STXBP5: variants seen among roughly 807,000 people sequenced by gnomAD.
The protein encoded by STXBP5 is syntaxin binding protein 5.
STXBP5 carries 50 observed loss-of-function variants against 152.4 expected under a neutral mutation model. That is an observed-to-expected ratio of 0.33 (90% confidence interval 0.26 to 0.42). STXBP5 has a LOEUF of 0.42. STXBP5 is among the 10% of genes least tolerant of loss of function. The pLI, the probability that STXBP5 is intolerant of heterozygous loss-of-function variation, is 1.00. For synonymous variants in STXBP5, 492 were observed against 494.7 expected (o/e 0.99, Z 0.07); for missense variants, 1,167 against 1,388.6 (o/e 0.84, Z 2.54).
intron 23 of STXBP5, among the ~76,000 whole-genome samples, chr6:147,359,865 G>A (rs1244579053): frequency 6.6e-6 from 1 of 151,804 alleles, no homozygotes; most frequent in Non-Finnish European, 1.5e-5. Flanking sequence ...TATCATTGTT[G>A]GACATTTGGG....
rs1732198340 is a variant in STXBP5 at position 147,373,813 on chromosome 6, G to T, written c.3164G>T (p.Gly1055Val). The T allele has an allele frequency of 1.2e-6, 2 of 1,613,230 alleles. No homozygotes were observed. The highest frequency in any genetic ancestry group is 3.3e-5 in the Admixed American group (2 of 59,980). The part of the protein sequence containing the change: ...RGFFKGLFGG[G>V]AQSLDREELF... ...TTCTTTAAAGGCTTATTTGGAGGTG[G>T]TGCACAATCTCTTGACAGAGAAGAA... The change falls in exon 26 of 28, where the codon GGT becomes GTT. Residue 1055 changes from glycine to valine, a missense_variant. Gly to Val is a moderately radical substitution (Grantham distance 109, BLOSUM62 -3). Transcript: ENST00000321680.
At chr6:147,354,583 A>G (rs753739049) in intron 22 of STXBP5, among the ~76,000 whole-genome samples, 2 of 152,170 alleles carry the variant, frequency 1.3e-5, no homozygotes, top group Non-Finnish European at 2.9e-5. Context: ...GGATTTCAAT[A>G]GCATTAAATA....
At chr6:147,310,281 A>G in intron 10 of STXBP5, 43 bp downstream of exon 10, 4 of 1,229,488 alleles carry the variant, frequency 3.3e-6, no homozygotes, top group Non-Finnish European at 4.1e-6. Flanking sequence ...TAGAGAGCTG[A>G]TATTAAAAAA....
chr6:147,260,536 T>C (rs1779592126), intron 4 of STXBP5, 79 bp from the exon 5 acceptor site: 1 of 1,535,670 alleles, frequency 6.5e-7, no homozygotes, highest in Admixed American at 1.7e-5. Flanking sequence ...GAATTATATA[T>C]CATAATCAAC....
Position 147,295,678 on chromosome 6 carries a change from C to A in STXBP5, c.917+4506C>A, listed in dbSNP as rs936383477. On this transcript the variant is annotated intron_variant, in intron 9 of 27. Transcript: ENST00000321680. ...TTGTGGGGAAAACGTAAGCCATAGG[C>A]CCCCAACAGTCCCCATTACCACTGC... 3.3e-5 allele frequency among the ~76,000 whole-genome samples: 5 copies of A among 152,284 alleles called. No individual in the cohort carries two copies. In the East Asian group the frequency reaches 9.7e-4, roughly 29 times the overall value.
intron 2 of STXBP5, among the ~76,000 whole-genome samples, chr6:147,218,276 C>T (rs1777276932): frequency 6.6e-6 from 1 of 152,154 alleles, no homozygotes; most frequent in Non-Finnish European, 1.5e-5. Flanking sequence ...ACATGTCTTT[C>T]ATCATTATAA....
chr6:147,321,089 G>A (rs976102065), intron 16 of STXBP5, among the ~76,000 whole-genome samples: 21 of 152,068 alleles, frequency 1.4e-4, no homozygotes, highest in African/African-American at 4.8e-4. Context: ...GGACATTTTT[G>A]TCTAAAATCT....
intron 18 of STXBP5, among the ~76,000 whole-genome samples, chr6:147,331,994 G>A (rs773287406): frequency 2.4e-4 from 37 of 152,230 alleles, no homozygotes; most frequent in Middle Eastern, 3.4e-3. Flanking sequence ...AATGAATTAA[G>A]CACTTAAAAC....
At chr6:147,288,597 C>A (rs981344145) in intron 8 of STXBP5, among the ~76,000 whole-genome samples, 3 of 152,060 alleles carry the variant, frequency 2.0e-5, no homozygotes, top group African/African-American at 7.2e-5. Context: ...TGTGGGAGAG[C>A]AAGTTCATCG....
intron 2 of STXBP5, among the ~76,000 whole-genome samples, chr6:147,214,520 A>T (rs1777060961): frequency 6.6e-6 from 1 of 152,028 alleles, no homozygotes; most frequent in South Asian, 2.1e-4. Context: ...TCTAGAATAA[A>T]CTTTTCTCTG....
At chr6:147,268,347 G>A (rs1320402615) in intron 7 of STXBP5, among the ~76,000 whole-genome samples, 2 of 152,154 alleles carry the variant, frequency 1.3e-5, no homozygotes, top group Non-Finnish European at 2.9e-5. Context: ...AATTCAGTGA[G>A]TAGAGCTATA....
At chr6:147,325,437 T>A (rs1461748761) in intron 17 of STXBP5, among the ~76,000 whole-genome samples, 2 of 152,176 alleles carry the variant, frequency 1.3e-5, no homozygotes, top group Non-Finnish European at 2.9e-5. Flanking sequence ...CAGAAAACTG[T>A]TATAAAACTG....
Position 147,260,615 on chromosome 6 carries a change from G to A in STXBP5, c.432G>A (p.Arg144=), listed in dbSNP as rs1268513503. 1.9e-6 allele frequency: 3 copies of A among 1,613,350 alleles called. No individual in the cohort carries two copies. Among genetic ancestry groups the A allele is most frequent in the Non-Finnish European group, 2.5e-6 (3 of 1,179,580 alleles). Residue 144 remains arginine (R), a splice_region_variant and synonymous_variant, in exon 5 of 28, where the codon AGG becomes AGA. Transcript: ENST00000321680. ...ILHSLKFCRE[R]VTFCHLPFQS... ...TTTTGAGTATATTTTTCTCTTGCAG[G>A]GTTACATTTTGCCATCTGCCTTTCC...
At chr6:147,214,504 C>T (rs913637748) in intron 2 of STXBP5, among the ~76,000 whole-genome samples, 1 of 152,042 alleles carries the variant, frequency 6.6e-6, no homozygotes, top group Non-Finnish European at 1.5e-5. Flanking sequence ...TTAGTGAGTC[C>T]TTAAGTCTAG....
intron 6 of STXBP5, among the ~76,000 whole-genome samples, chr6:147,262,804 GT>G (rs66690871): frequency 0.072 from 10,949 of 151,116 alleles, 564 homozygotes; most frequent in African/African-American, 0.15. Flanking sequence ...ATAATGTAGA[GT>G]TTTTTTTAAT....
At chr6:147,227,654 T>C in intron 2 of STXBP5, among the ~76,000 whole-genome samples, 1 of 152,302 alleles carries the variant, frequency 6.6e-6, no homozygotes, top group South Asian at 2.1e-4. Context: ...GGCTCCCCAC[T>C]TTGTAAATGA....
In STXBP5 at chr6:147,363,481, C is replaced by T. The variant is rs778192990; in HGVS notation, c.2692C>T (p.Pro898Ser). 19 of 1,613,968 alleles carry T rather than the reference C, an allele frequency of 1.2e-5. No individual in the cohort carries two copies. Among genetic ancestry groups the T allele is most frequent in the Non-Finnish European group, 1.5e-5 (18 of 1,180,030 alleles). ...AAAGGAGAAATTGAAAAAACGGCGG[C>T]CTGTCTCAGTATCCCCCTCCTCTTC... ...DEKEKLKKRRPVSVSPSSSQE... is the reference protein window; with the variant it reads ...DEKEKLKKRRSVSVSPSSSQE... Residue 898 changes from proline to serine, a missense_variant, in exon 24 of 28, where the codon CCT (proline) becomes TCT (serine). Around this residue, in one of 3 missense-constraint regions of STXBP5, gnomAD observed 833 missense variants for 986.3 expected, o/e 0.84. Transcript: ENST00000321680.
chr6:147,213,079 T>C (rs1562411795), intron 2 of STXBP5, among the ~76,000 whole-genome samples: 3 of 152,146 alleles, frequency 2.0e-5, no homozygotes, highest in African/African-American at 7.2e-5. Context: ...GAATTGCTAG[T>C]ATGTAATTTG....
rs1025307748 is a variant in STXBP5 at position 147,310,762 on chromosome 6, C to T, written c.1072+524C>T. Among the ~76,000 whole-genome samples the T allele has an allele frequency of 2.6e-5, 4 of 152,140 alleles. No individual in the cohort carries two copies. The East Asian group carries it at 7.7e-4, about 29-fold the overall frequency. ...TTTTTTCAGGAAACCTCAGTTTGTG[C>T]TTTTAAGACGTTAAACTGACTGAAT... On this transcript the variant is annotated intron_variant, in intron 10 of 27. Coordinates refer to ENST00000321680, the MANE Select transcript of STXBP5 (RefSeq NM_001127715.4).
Sources: allele counts gnomAD v4.1 joint callset (sites outside exome capture counted in the v4.1 genomes callset), GRCh38; gene constraint gnomAD v4.1.1; regional missense constraint gnomAD v4.1.1; transcripts MANE v1.5; gene names NCBI Gene and HGNC (gene_info 2026-07-23, HGNC 2026-07-21).